LINGO2: variants seen among roughly 807,000 people sequenced by gnomAD.
The protein encoded by LINGO2 is leucine rich repeat and Ig domain containing 2.
In LINGO2, 14 loss-of-function variants were observed where a neutral mutation model predicts 30.6. That is an observed-to-expected ratio of 0.46 (90% CI 0.30 to 0.72). The LOEUF (loss-of-function observed/expected upper bound fraction) is 0.72. Among genes scored for constraint, LINGO2 ranks in the 30% least tolerant of loss-of-function variants. The pLI, the probability that LINGO2 is intolerant of heterozygous loss-of-function variation, is 0.07. For missense variants in LINGO2, 729 were observed against 751.7 expected (o/e 0.97, Z 0.35); for synonymous variants, 317 against 288.5 (o/e 1.10, Z -1.00).
intron 1 of LINGO2, among the ~76,000 whole-genome samples, chr9:28,491,665 T>G (rs1418378277): frequency 6.6e-6 from 1 of 152,202 alleles, no homozygotes; most frequent in Non-Finnish European, 1.5e-5. Context: ...GTGCCTTTCT[T>G]AGGCACACTG....
chr9:29,208,984 T>TA, the LINGO2 span, among the ~76,000 whole-genome samples: 1 of 152,180 alleles, frequency 6.6e-6, no homozygotes, highest in Non-Finnish European at 1.5e-5. Flanking sequence ...ATCCTTTTTT[T>TA]AAAAAGTAAC....
chr9:28,327,342 G>A (rs1189800767), intron 3 of LINGO2, among the ~76,000 whole-genome samples: 5 of 152,096 alleles, frequency 3.3e-5, no homozygotes, highest in Admixed American at 1.3e-4. Flanking sequence ...GTATTAAGTC[G>A]GCAGGAAGAA....
chr9:28,464,945 A>AG (rs1189428406), intron 2 of LINGO2, among the ~76,000 whole-genome samples: 6 of 152,232 alleles, frequency 3.9e-5, no homozygotes, highest in Non-Finnish European at 5.9e-5. Flanking sequence ...CGCAGTGCTC[A>AG]AAACCCTTGT....
chr9:27,993,233 AC>A (rs1336015973), intron 5 of LINGO2, among the ~76,000 whole-genome samples: 19 of 152,076 alleles, frequency 1.2e-4, no homozygotes, highest in African/African-American at 4.6e-4. Flanking sequence ...TTGCCTTTTC[AC>A]ATGCATCCAA....
At chr9:29,130,289 T>G in the LINGO2 span, among the ~76,000 whole-genome samples, 2 of 152,140 alleles carry the variant, frequency 1.3e-5, no homozygotes, top group African/African-American at 4.8e-5. Context: ...ATGGTTATCT[T>G]AAAGAAAATA....
the LINGO2 span, among the ~76,000 whole-genome samples, chr9:28,737,938 G>A: frequency 3.6e-4 from 55 of 152,114 alleles, no homozygotes; most frequent in Admixed American, 7.2e-4. Context: ...GACAATTGCC[G>A]CTAGATTTGG....
At chr9:28,584,738 G>C (rs1824444000) in intron 1 of LINGO2, among the ~76,000 whole-genome samples, 2 of 152,090 alleles carry the variant, frequency 1.3e-5, no homozygotes, top group South Asian at 2.1e-4. Context: ...AGAACATGCA[G>C]AGTCATCATT....
At chr9:27,947,640 A>G (rs1823418926), downstream of LINGO2, among the ~76,000 whole-genome samples, 1 of 152,214 alleles carries the variant, frequency 6.6e-6, no homozygotes, top group South Asian at 2.1e-4. Context: ...AGTAGAGAAC[A>G]TCAGAGTGGC....
At chr9:28,849,682 C>G in the LINGO2 span, among the ~76,000 whole-genome samples, 6 of 151,986 alleles carry the variant, frequency 3.9e-5, no homozygotes, top group Middle Eastern at 3.4e-3. Flanking sequence ...CACAAGCTAC[C>G]GAGCTTTGCA....
intron 1 of LINGO2, among the ~76,000 whole-genome samples, chr9:28,629,976 T>C (rs945353056): frequency 2.0e-5 from 3 of 147,862 alleles, no homozygotes; most frequent in Non-Finnish European, 3.0e-5. Context: ...CCTGTGTCCA[T>C]GTGATCTCAT....
At position 28,470,786 on chromosome 9, in the gene LINGO2, T is replaced by C. The variant is rs574972141; in HGVS notation, c.-279+5154A>G. Among the ~76,000 whole-genome samples the C allele has an allele frequency of 1.6e-3, 236 of 151,628 alleles. 4 individuals are homozygous for C. The highest frequency in any genetic ancestry group is 0.011 in the South Asian group (54 of 4,798). On this transcript the variant is annotated intron_variant, in intron 2 of 5. Coordinates refer to ENST00000379992, the Ensembl canonical transcript of LINGO2. Reference sequence around the variant, plus strand: ...ATGGAAAAGTCAAAGTTGAAAAAAATAGATGTTGAATTTTAAATTAAGTGG... The same window carrying C: ...ATGGAAAAGTCAAAGTTGAAAAAAACAGATGTTGAATTTTAAATTAAGTGG...
chr9:28,919,741 A>C, the LINGO2 span, among the ~76,000 whole-genome samples: 2 of 34,220 alleles, frequency 5.8e-5, no homozygotes, highest in African/African-American at 1.4e-4. Flanking sequence ...TTCTTTATAA[A>C]ACTGGTATAA....
chr9:28,211,356 C>A (rs2133859962), intron 4 of LINGO2, among the ~76,000 whole-genome samples: 1 of 150,020 alleles, frequency 6.7e-6, no homozygotes, highest in Non-Finnish European at 1.5e-5. Flanking sequence ...TAATCCCTCT[C>A]ATCTCCAGAG....
chr9:28,431,695 T>C (rs893304484), intron 2 of LINGO2, among the ~76,000 whole-genome samples: 2 of 152,186 alleles, frequency 1.3e-5, no homozygotes, highest in African/African-American at 4.8e-5. Context: ...GTATATTCTG[T>C]GACTCTTTCA....
chr9:28,848,387 GTGTGTGTGTGTA>G, the LINGO2 span, among the ~76,000 whole-genome samples: 106 of 51,830 alleles, frequency 2.0e-3, no homozygotes, highest in South Asian at 4.8e-3. Context: ...GTGTGTGTGT[GTGTGTGTGTGTA>G]TATATATATA....
the LINGO2 span, among the ~76,000 whole-genome samples, chr9:28,818,467 C>T: frequency 2.6e-5 from 4 of 152,210 alleles, no homozygotes; most frequent in Admixed American, 6.5e-5. Context: ...TCACTGCAAC[C>T]TCTACCTCCT....
At chr9:28,598,598 G>T (rs148113409) in intron 1 of LINGO2, 125 of 152,304 alleles carry the variant, frequency 8.2e-4, no homozygotes, top group African/African-American at 2.9e-3. Context: ...GCTCATGTCC[G>T]CTTGCCAGTT....
intron 1 of LINGO2, among the ~76,000 whole-genome samples, chr9:28,654,657 T>C (rs1828255440): frequency 6.6e-6 from 1 of 152,116 alleles, no homozygotes; most frequent in East Asian, 1.9e-4. Context: ...TAGAGGTTTA[T>C]GGTTGCCTCA....
chr9:29,087,280 T>G, the LINGO2 span, among the ~76,000 whole-genome samples: 4 of 152,220 alleles, frequency 2.6e-5, no homozygotes, highest in African/African-American at 9.6e-5. Flanking sequence ...ACCTGTGGTA[T>G]GGCAGTGATG....
Sources: allele counts gnomAD v4.1 joint callset (sites outside exome capture counted in the v4.1 genomes callset), GRCh38; gene constraint gnomAD v4.1.1; transcripts MANE v1.5; gene names NCBI Gene and HGNC (gene_info 2026-07-23, HGNC 2026-07-21).